Variants in ANKRD44 observed in about 807,000 individuals in gnomAD.
The protein encoded by ANKRD44 is serine/threonine-protein phosphatase 6 regulatory ankyrin repeat subunit B.
ANKRD44 carries 35 observed loss-of-function variants against 116.0 expected under a neutral mutation model. The observed-to-expected ratio is 0.30, with a 90% CI of 0.23 to 0.40. ANKRD44 has a LOEUF of 0.40. ANKRD44 is among the 10% of genes least tolerant of loss of function. The pLI is 1.00. For missense variants in ANKRD44, 1,014 were observed against 1,242.6 expected (o/e 0.82, Z 2.77); for synonymous variants, 435 against 461.8 (o/e 0.94, Z 0.74).
chr2:197,033,645 G>A (rs1391168059), intron 16 of ANKRD44, among the ~76,000 whole-genome samples: 1 of 142,548 alleles, frequency 7.0e-6, no homozygotes. Flanking sequence ...AGGAAACAAA[G>A]AGAATTATGT....
rs1239933073 is a variant in ANKRD44 at position 197,310,589 on chromosome 2, G to C, written c.16C>G (p.Leu6Val). The C allele has an allele frequency of 2.3e-6, 3 of 1,299,322 alleles. No individual in the cohort carries two copies. Among genetic ancestry groups the C allele is most frequent in the Middle Eastern group, 2.1e-4 (1 of 4,848 alleles). The allele number at this position is 1,299,322 out of a possible 1,614,324, so 80.5% of individuals were successfully genotyped here. The change falls in exon 1 of 28, where the codon CTC becomes GTC. Residue 6 changes from leucine to valine, a missense_variant. Transcript: ENST00000282272. ...CCGCCGCCCGCTACCTGGTCGGTGA[G>C]TTTGAGCACTGCCATTCTTCCGCTC... MAVLK[L>V]TDQPPLVQAI...
intron 13 of ANKRD44, among the ~76,000 whole-genome samples, chr2:197,086,150 G>GA (rs56126608): frequency 2.6e-5 from 4 of 151,234 alleles, no homozygotes; most frequent in Admixed American, 6.6e-5. Flanking sequence ...GATGCAATGG[G>GA]AAAAAAAATT....
intron 21 of ANKRD44, among the ~76,000 whole-genome samples, chr2:196,980,867 T>C (rs1222048963): frequency 6.6e-6 from 1 of 152,090 alleles, no homozygotes; most frequent in South Asian, 2.1e-4. Context: ...TTAGTATCCA[T>C]CTACTTAAAG....
chr2:197,186,612 CTTTTTTTTTTTTTTTTTTTTTTTT>C (rs149107038), intron 2 of ANKRD44, among the ~76,000 whole-genome samples: 16 of 50,808 alleles, frequency 3.1e-4, no homozygotes, highest in African/African-American at 7.1e-4. Flanking sequence ...GCTAATTTTT[CTTTTTTTTTTTTTTTTTTTTTTTT>C]TTTTTTTTTT....
intron 1 of ANKRD44, among the ~76,000 whole-genome samples, chr2:197,255,416 A>AT (rs2105692034): frequency 6.6e-6 from 1 of 152,362 alleles, no homozygotes; most frequent in South Asian, 2.1e-4. Flanking sequence ...TCACCAAGAG[A>AT]TAAATCACTT....
intron 25 of ANKRD44, among the ~76,000 whole-genome samples, chr2:196,995,997 A>G (rs969617280): frequency 1.3e-5 from 2 of 152,246 alleles, no homozygotes; most frequent in African/African-American, 4.8e-5. Flanking sequence ...TCAGTGGAAG[A>G]TATCTCTGTA....
intron 2 of ANKRD44, among the ~76,000 whole-genome samples, chr2:197,148,158 C>G (rs912544424): frequency 6.6e-6 from 1 of 152,174 alleles, no homozygotes; most frequent in Non-Finnish European, 1.5e-5. Context: ...CCTAGGCAAG[C>G]AGGAGATAAG....
In ANKRD44 at chr2:197,051,160, C is replaced by T. The variant is rs531897623; in HGVS notation, c.1651-25893G>A. On this transcript the variant is annotated intron_variant, in intron 16 of 27. Coordinates refer to ENST00000282272, the MANE Select transcript of ANKRD44 (RefSeq NM_001195144.2). ...GTATTTTTTAGAGACGGGGTTTCGC[C>T]GTGTTGCCCAGGCTGGTCTCGAACT... 7.9e-5 allele frequency among the ~76,000 whole-genome samples: 12 copies of T among 151,932 alleles called. No homozygotes were observed. The East Asian group carries it at 1.8e-3, about 22-fold the overall frequency.
intron 25 of ANKRD44, 103 bp downstream of exon 25, chr2:196,998,234 T>C: frequency 2.4e-6 from 2 of 849,050 alleles, no homozygotes; most frequent in Non-Finnish European, 3.7e-6. Flanking sequence ...ATGTACATCT[T>C]AATTAAGAGC....
At chr2:197,156,695 T>A (rs1248379627) in intron 2 of ANKRD44, among the ~76,000 whole-genome samples, 6 of 152,182 alleles carry the variant, frequency 3.9e-5, no homozygotes, top group Non-Finnish European at 8.8e-5. Flanking sequence ...AAACTAGAAG[T>A]AATCCAAGTT....
intron 1 of ANKRD44, among the ~76,000 whole-genome samples, chr2:197,192,369 A>C (rs1226239870): frequency 6.6e-6 from 1 of 152,222 alleles, no homozygotes; most frequent in Non-Finnish European, 1.5e-5. Context: ...AAAGACTCCA[A>C]GTCTAAAAGA....
At chr2:197,060,207 A>G (rs1373639568) in intron 16 of ANKRD44, among the ~76,000 whole-genome samples, 1 of 152,232 alleles carries the variant, frequency 6.6e-6, no homozygotes, top group East Asian at 1.9e-4. Flanking sequence ...CCACTGAGAT[A>G]GTAAGCTCCC....
chr2:197,136,792 CA>C, intron 3 of ANKRD44, 130 bp from the exon 4 acceptor site: 1 of 731,266 alleles, frequency 1.4e-6, no homozygotes, highest in Non-Finnish European at 2.3e-6. Flanking sequence ...TTGTATTAGT[CA>C]TGTGCTGACA....
intron 2 of ANKRD44, among the ~76,000 whole-genome samples, chr2:197,168,868 C>G (rs909024578): frequency 6.6e-6 from 1 of 152,174 alleles, no homozygotes; most frequent in Admixed American, 6.5e-5. Context: ...ACTGCAAACA[C>G]CCTACTTCAG....
downstream of ANKRD44, among the ~76,000 whole-genome samples, chr2:196,984,924 T>C (rs1049703461): frequency 6.6e-6 from 1 of 152,194 alleles, no homozygotes; most frequent in Non-Finnish European, 1.5e-5. Context: ...TGCCCTTGAG[T>C]ATAGATTGGA....
At chr2:197,019,540 T>C (rs1052192126) in intron 17 of ANKRD44, among the ~76,000 whole-genome samples, 3 of 152,272 alleles carry the variant, frequency 2.0e-5, no homozygotes, top group East Asian at 1.9e-4. Flanking sequence ...AGCTCTCCCA[T>C]GGTTACACAG....
intron 17 of ANKRD44, among the ~76,000 whole-genome samples, chr2:197,018,615 G>T (rs932085527): frequency 4.6e-5 from 7 of 152,026 alleles, no homozygotes; most frequent in African/African-American, 1.7e-4. Flanking sequence ...GATATCAATG[G>T]ATATCTGTTA....
chr2:197,073,979 AT>A (rs1031406852), intron 16 of ANKRD44, among the ~76,000 whole-genome samples: 11 of 151,946 alleles, frequency 7.2e-5, no homozygotes, highest in African/African-American at 2.7e-4. Flanking sequence ...TTTCTGCCAC[AT>A]TACAAAAAAA....
chr2:197,095,887 T>C (rs551124943), intron 10 of ANKRD44, among the ~76,000 whole-genome samples: 7 of 152,194 alleles, frequency 4.6e-5, no homozygotes, highest in African/African-American at 9.6e-5. Context: ...TTGGTTTCTG[T>C]TTGCATGTAT....
Sources: gnomAD v4.1 joint callset for allele counts (sites outside exome capture counted in the v4.1 genomes callset) on GRCh38, gnomAD v4.1.1 for gene constraint, MANE v1.5 for transcripts, NCBI Gene and HGNC (gene_info 2026-07-23, HGNC 2026-07-21) for gene names.